The following KAZN variants were observed in gnomAD, a reference collection of about 807,000 sequenced individuals.
KAZN encodes the protein kazrin, periplakin interacting protein.
In KAZN, 40 loss-of-function variants were observed where a neutral mutation model predicts 87.4. The ratio of observed to expected loss-of-function variants is 0.46; its 90% CI spans 0.36 to 0.60. The LOEUF (loss-of-function observed/expected upper bound fraction) is 0.60, where lower values mean the gene tolerates loss of function less well. Ranked by LOEUF, KAZN falls within the 20% of genes least tolerant of loss-of-function variation. The pLI, the probability that KAZN is intolerant of heterozygous loss-of-function variation, is 0.00. For synonymous variants in KAZN, 466 were observed against 458.3 expected, an observed-to-expected ratio of 1.02 and a Z score of -0.22; for missense variants, 898 against 1,073.9, an observed-to-expected ratio of 0.84 and a Z score of 2.29.
intron 2 of KAZN, among the ~76,000 whole-genome samples, chr1:14,389,038 A>G (rs976207155): frequency 6.6e-6 from 1 of 152,218 alleles, no homozygotes; most frequent in Non-Finnish European, 1.5e-5. Flanking sequence ...AAAATGGGCA[A>G]AAGATCTGAA....
chr1:14,016,807 A>G (rs962520588), intron 1 of KAZN, among the ~76,000 whole-genome samples: 8 of 152,186 alleles, frequency 5.3e-5, no homozygotes, highest in Non-Finnish European at 1.0e-4. Context: ...ATGAAGATCC[A>G]CAAAGAAAAC....
chr1:14,402,238 CA>C lies in KAZN; in HGVS notation c.250-196732del, dbSNP rs58468082. Among the ~76,000 whole-genome samples the C allele has an allele frequency of 5.4e-3, 751 of 140,056 alleles. 5 individuals carry two copies. The highest frequency in any genetic ancestry group is 0.014 in the African/African-American group (516 of 37,898). The allele number at this position is 140,056 out of a possible 152,430, so 91.9% of individuals were successfully genotyped here. The stretch of plus-strand genomic sequence containing the variant: ...AAAAAATTTGTAAGTTTCTATAGGC[CA>C]AAAAAAAAAAAATCTTCGATGTTAT... On this transcript the variant is annotated intron_variant, in intron 2 of 16. Coordinates refer to the KAZN transcript ENST00000636203.
At chr1:13,920,869 A>G (rs1047726771) in intron 1 of KAZN, among the ~76,000 whole-genome samples, 6 of 152,134 alleles carry the variant, frequency 3.9e-5, no homozygotes, top group Admixed American at 6.5e-5. Flanking sequence ...GGCTGGATTT[A>G]GGTGGTTTTC....
intron 2 of KAZN, among the ~76,000 whole-genome samples, chr1:14,465,261 T>C (rs1359192747): frequency 6.6e-6 from 1 of 151,678 alleles, no homozygotes; most frequent in Non-Finnish European, 1.5e-5. Context: ...TGGCCAGGCA[T>C]GGTGGAGGGC....
At chr1:14,419,725 C>T (rs1372647882) in intron 2 of KAZN, among the ~76,000 whole-genome samples, 4 of 152,074 alleles carry the variant, frequency 2.6e-5, no homozygotes, top group Non-Finnish European at 5.9e-5. Context: ...CCGCAGACCT[C>T]CGCGGTGAGC....
At chr1:14,722,799 G>C (rs777727050) in intron 1 of KAZN, among the ~76,000 whole-genome samples, 4 of 152,054 alleles carry the variant, frequency 2.6e-5, no homozygotes, top group African/African-American at 9.7e-5. Context: ...CTGTTCCTAC[G>C]TGAGTTTGAA....
intron 2 of KAZN, among the ~76,000 whole-genome samples, chr1:14,335,518 C>A (rs1191273002): frequency 2.0e-5 from 3 of 151,884 alleles, no homozygotes; most frequent in Non-Finnish European, 4.4e-5. Context: ...TCTCTCTTAA[C>A]CTCTCTTTTG....
At chr1:14,959,461 G>A (rs1037598334) in intron 1 of KAZN, among the ~76,000 whole-genome samples, 5 of 152,156 alleles carry the variant, frequency 3.3e-5, no homozygotes, top group Admixed American at 6.5e-5. Context: ...CCTGGCCCCA[G>A]CCAGGGCTGC....
chr1:14,253,050 T>C (rs1261990359), intron 2 of KAZN, among the ~76,000 whole-genome samples: 2 of 151,664 alleles, frequency 1.3e-5, no homozygotes, highest in Middle Eastern at 3.2e-3. Flanking sequence ...AGCAGTTTGT[T>C]GTAAAAATAA....
Position 14,944,887 on chromosome 1 carries a change from G to A in KAZN, c.227-15797G>A, listed in dbSNP as rs552981763. Reference sequence around the variant, plus strand: ...CACCATCCTGTTCTGGGCAGGGCAGGAGGCCTCTTGCCCGCCTGCCAGCTG... The same window carrying A: ...CACCATCCTGTTCTGGGCAGGGCAGAAGGCCTCTTGCCCGCCTGCCAGCTG... On this transcript the variant is annotated intron_variant, in intron 1 of 14. Transcript: ENST00000376030. 2.7e-3 allele frequency among the ~76,000 whole-genome samples: 407 copies of A among 152,316 alleles called. 1 individual carries two copies. The highest frequency in any genetic ancestry group is 0.024 in the Middle Eastern group (7 of 292).
At chr1:14,374,172 C>T (rs958808602) in intron 2 of KAZN, among the ~76,000 whole-genome samples, 1 of 152,194 alleles carries the variant, frequency 6.6e-6, no homozygotes, top group African/African-American at 2.4e-5. Context: ...AGACACTAGG[C>T]TCTAAAACTT....
intron 2 of KAZN, among the ~76,000 whole-genome samples, chr1:15,001,778 G>C (rs1486976409): frequency 6.6e-6 from 1 of 151,600 alleles, no homozygotes; most frequent in Admixed American, 6.6e-5. Context: ...CAGAAGGTTC[G>C]TGAGGATCAC....
rs139159242 is a variant in KAZN at position 14,763,406 on chromosome 1, G to A, written c.226+164183G>A. ...ATCCCACTCACCTGTGTTCTTGACC[G>A]GCCAGGGCCCCTGAGGATAAAGCGA... On this transcript the variant is annotated intron_variant, in intron 1 of 14. Coordinates refer to ENST00000376030, the MANE Select transcript of KAZN (RefSeq NM_201628.3). Among the ~76,000 whole-genome samples, 452 of 152,288 alleles carry A rather than the reference G, an allele frequency of 3.0e-3. 4 individuals are homozygous for A. Among genetic ancestry groups the A allele is most frequent in the African/African-American group, 0.01 (431 of 41,564 alleles).
At chr1:14,550,729 CTCTCTCT>C (rs1673452123) in intron 2 of KAZN, among the ~76,000 whole-genome samples, 5 of 86,102 alleles carry the variant, frequency 5.8e-5, no homozygotes, top group African/African-American at 1.8e-4. Context: ...CTCTCTCTCT[CTCTCTCT>C]CTCCCCCACC....
At chr1:14,146,089 A>G (rs980432448) in intron 1 of KAZN, among the ~76,000 whole-genome samples, 1 of 151,602 alleles carries the variant, frequency 6.6e-6, no homozygotes, top group Non-Finnish European at 1.5e-5. Flanking sequence ...CTCTACCCTG[A>G]GTTGAGTGAT....
intron 1 of KAZN, among the ~76,000 whole-genome samples, chr1:14,864,391 C>T (rs1429511365): frequency 6.6e-6 from 1 of 152,118 alleles, no homozygotes; most frequent in African/African-American, 2.4e-5. Context: ...GGTAAAACCC[C>T]GTCTCTACTA....
intron 1 of KAZN, among the ~76,000 whole-genome samples, chr1:14,155,685 T>C (rs7367043): frequency 0.087 from 13,196 of 152,188 alleles, 617 homozygotes; most frequent in Non-Finnish European, 0.1. Context: ...GGTCTTGCTC[T>C]GTTACCCAGG....
intron 2 of KAZN, among the ~76,000 whole-genome samples, chr1:14,549,642 AACTTGCT>A (rs1273845048): frequency 7.2e-6 from 1 of 139,360 alleles, no homozygotes; most frequent in African/African-American, 2.7e-5. Context: ...CAGGACAAGG[AACTTGCT>A]ACTTTCCTTG....
intron 2 of KAZN, among the ~76,000 whole-genome samples, chr1:14,965,456 C>T (rs1436653708): frequency 2.6e-5 from 4 of 152,352 alleles, no homozygotes; most frequent in Non-Finnish European, 4.4e-5. Flanking sequence ...CTCCGCGAAT[C>T]AAGGCAGCAC....
Sources: gnomAD v4.1 joint callset for allele counts (sites outside exome capture counted in the v4.1 genomes callset) on GRCh38, gnomAD v4.1.1 for gene constraint, MANE v1.5 for transcripts, NCBI Gene and HGNC (gene_info 2026-07-23, HGNC 2026-07-21) for gene names.